The following LIPE variants were observed in gnomAD, a reference collection of about 807,000 sequenced individuals.
LIPE encodes lipase E, hormone sensitive type.
LIPE carries 66 observed loss-of-function variants against 88.5 expected under a neutral mutation model. The ratio of observed to expected loss-of-function variants is 0.75; its 90% CI spans 0.61 to 0.91. The LOEUF (loss-of-function observed/expected upper bound fraction) is 0.91, where lower values mean the gene tolerates loss of function less well. LIPE is among the 40% of genes least tolerant of loss of function. The pLI, the probability that LIPE is intolerant of heterozygous loss-of-function variation, is 0.00. For missense variants in LIPE, 1,346 were observed against 1,434.7 expected (o/e 0.94, Z 1.00); for synonymous variants, 570 against 617.5 (o/e 0.92, Z 1.14).
rs1285166974 is a variant in LIPE at position 42,414,394 on chromosome 19, G to A, written c.884-3552C>T. On this transcript the variant is annotated intron_variant, in intron 1 of 9. Transcript: ENST00000244289. This position sits in a 1 kb window ranked among gnomAD's most constrained non-coding sequence, Gnocchi z 4.6. ...CTGGATGAGTCTGTTTTCCTCATCT[G>A]GAAACTGCACTTGGCTGTTCTGCTG... Among the ~76,000 whole-genome samples, 1 of 152,254 alleles carries A rather than the reference G, an allele frequency of 6.6e-6. No individual in the cohort carries two copies. Among genetic ancestry groups the A allele is most frequent in the Non-Finnish European group, 1.5e-5 (1 of 68,044 alleles).
At position 42,410,588 on chromosome 19, in the gene LIPE, C is replaced by T; in HGVS notation, c.1138G>A (p.Ala380Thr). 1 of 1,613,282 alleles carries T rather than the reference C, an allele frequency of 6.2e-7. No individual in the cohort carries two copies. Reference sequence around the variant, plus strand: ...AGGAGGTGCGCCAGGCAGCAGCGGGCTGTGTGCACTAGGCTGCGGTACCCG... The same window carrying T: ...AGGAGGTGCGCCAGGCAGCAGCGGGTTGTGTGCACTAGGCTGCGGTACCCG... ...ANGYRSLVHT[A>T]RCCLAHLLHK... Residue 380 changes from alanine to threonine, a missense_variant, in exon 2 of 10, where the codon GCC (alanine) becomes ACC (threonine). Physicochemically the swap from Ala to Thr is moderately conservative, Grantham distance 58. Coordinates refer to ENST00000244289, the MANE Select transcript of LIPE (RefSeq NM_005357.4). This position sits in a 1 kb window ranked among gnomAD's most constrained non-coding sequence, Gnocchi z 6.1.
At chr19:42,423,474 G>A in intron 1 of LIPE, 1 of 1,288,594 alleles carries the variant, frequency 7.8e-7, no homozygotes. Context: ...AGCCCTCTTT[G>A]GCATTCTTCG....
chr19:42,422,007 T>C (rs1156778302), intron 1 of LIPE, among the ~76,000 whole-genome samples: 1 of 152,284 alleles, frequency 6.6e-6, no homozygotes, highest in African/African-American at 2.4e-5. Context: ...GTGATTATTA[T>C]GATCTCTGTT....
chr19:42,404,263 A>C (rs1600105912), intron 8 of LIPE, among the ~76,000 whole-genome samples: 4 of 132,520 alleles, frequency 3.0e-5, no homozygotes, highest in Non-Finnish European at 3.2e-5. Context: ...AGACAGTCTC[A>C]CTCTGTTACC....
chr19:42,401,991 C>G lies in LIPE; in HGVS notation c.3052G>C (p.Val1018Leu), dbSNP rs565024075. The G allele has an allele frequency of 2.6e-6, 4 of 1,554,584 alleles. No individual in the cohort carries two copies. In the East Asian group the frequency reaches 9.7e-5, roughly 38 times the overall value. The change falls in exon 10 of 10, where the codon GTG becomes CTG. Residue 1018 changes from valine to leucine, a missense_variant. Transcript: ENST00000244289. ...AAGCCGTGCGGCAGGTCCTCCACCA[C>G]GCGCAGCGTCACCGGCTGGCCCAGG... ...RNLGQPVTLR[V>L]VEDLPHGFLT...
In LIPE at chr19:42,414,249, G is replaced by A. The variant is rs1299303403; in HGVS notation, c.884-3407C>T. Among the ~76,000 whole-genome samples, 2 of 152,004 alleles carry A rather than the reference G, an allele frequency of 1.3e-5. No individual in the cohort carries two copies. Among genetic ancestry groups the A allele is most frequent in the African/African-American group, 4.8e-5 (2 of 41,362 alleles). On this transcript the variant is annotated intron_variant, in intron 1 of 9. Coordinates refer to ENST00000244289, the MANE Select transcript of LIPE (RefSeq NM_005357.4). This position sits in a 1 kb window ranked among gnomAD's most constrained non-coding sequence, Gnocchi z 4.6. ...AGATCACGCCACTGTACTCCAGCCT[G>A]GCGATAAAGCGAGACTCTGTCAGAA...
In LIPE at chr19:42,426,799, A is replaced by G. The variant is rs1266280778; in HGVS notation, c.351T>C (p.Pro117=). ...TQQEAASQQG[P]GLGKESITQQ... Reference sequence around the variant, plus strand: ...GAGTTATAGATTCTTTTCCTAGCCCAGGTCCCTGCTGGGAGGCAGCTTCCT... The same window carrying G: ...GAGTTATAGATTCTTTTCCTAGCCCGGGTCCCTGCTGGGAGGCAGCTTCCT... Residue 117 remains proline, a synonymous_variant, in exon 1 of 10, where the codon CCT becomes CCC. Coordinates refer to ENST00000244289, the MANE Select transcript of LIPE (RefSeq NM_005357.4). 3.1e-6 allele frequency: 5 copies of G among 1,614,010 alleles called. No individual in the cohort carries two copies. The highest frequency in any genetic ancestry group is 1.1e-5 in the South Asian group (1 of 91,076).
At chr19:42,426,047 C>A (rs770163370) in intron 1 of LIPE, among the ~76,000 whole-genome samples, 89 of 150,380 alleles carry the variant, frequency 5.9e-4, no homozygotes, top group Non-Finnish European at 1.1e-3. Flanking sequence ...AGCAATCCAT[C>A]TGCCTCGGCC....
In LIPE at chr19:42,426,842, C is replaced by G. The variant is rs777134809; in HGVS notation, c.308G>C (p.Arg103Thr). The change falls in exon 1 of 10, where the codon AGG (arginine) becomes ACG (threonine). Residue 103 changes from arginine (R) to threonine (T), a missense_variant. Transcript: ENST00000244289. ...PAPQQSPYIQRVLLTQQEAAS... is the reference protein window; with the variant it reads ...PAPQQSPYIQTVLLTQQEAAS... ...AGCTTCCTGTTGAGTGAGCAGCACC[C>G]TTTGGATGTAAGGTGATTGCTGTGG... 3.1e-6 allele frequency: 5 copies of G among 1,614,040 alleles called. No individual in the cohort carries two copies. The highest frequency in any genetic ancestry group is 3.3e-5 in the Admixed American group (2 of 59,996).
At chr19:42,423,526 G>C (rs868174350) in intron 1 of LIPE, 14 of 1,261,118 alleles carry the variant, frequency 1.1e-5, no homozygotes, top group Non-Finnish European at 1.4e-5. Flanking sequence ...CGTTCCCCCG[G>C]CCAACTCCAT....
chr19:42,403,164 G>A, intron 8 of LIPE, 133 bp from the exon 9 acceptor site: 2 of 905,866 alleles, frequency 2.2e-6, no homozygotes, highest in Non-Finnish European at 3.2e-6. Context: ...TCTTGCCTAG[G>A]GGATGGGTGG....
chr19:42,424,254 G>A (rs1398542563), intron 1 of LIPE: 1 of 563,474 alleles, frequency 1.8e-6, no homozygotes. Context: ...CTAGCTTCAG[G>A]CCGCGGGCCG....
rs756263409 is a variant in LIPE at position 42,408,238 on chromosome 19, C to G, written c.1504G>C (p.Gly502Arg). The G allele has an allele frequency of 6.2e-7, 1 of 1,614,042 alleles. No individual in the cohort carries two copies. Among genetic ancestry groups the G allele is most frequent in the Non-Finnish European group, 8.5e-7 (1 of 1,179,958 alleles). Residue 502 changes from glycine (G) to arginine (R), a missense_variant, in exon 3 of 10, where the codon GGC becomes CGC. Physicochemically the swap from Gly to Arg is moderately radical, Grantham distance 125. Coordinates refer to ENST00000244289, the MANE Select transcript of LIPE (RefSeq NM_005357.4). This position sits in a 1 kb window ranked among gnomAD's most constrained non-coding sequence, Gnocchi z 4.3. Reference sequence around the variant, plus strand: ...GAACCTGGCTGGGACTCACTGAGGCCTGTCTCGTTGCGTTTGTAGTGCTCC... The same window carrying G: ...GAACCTGGCTGGGACTCACTGAGGCGTGTCTCGTTGCGTTTGTAGTGCTCC... ...FGEHYKRNETGLSVAASSLFT... is the reference protein window; with the variant it reads ...FGEHYKRNETRLSVAASSLFT...
In LIPE at chr19:42,408,565, GA is replaced by G. The variant is rs113177392; in HGVS notation, c.1420-244del. 17,520 of 375,262 alleles carry G rather than the reference GA, an allele frequency of 0.047. No individual in the cohort carries two copies. The highest frequency in any genetic ancestry group is 0.074 in the South Asian group (2,231 of 29,962). The allele number at this position is 375,262 out of a possible 1,614,324, so 23.2% of individuals were successfully genotyped here. A position where few individuals can be genotyped will look rare whatever the true frequency, so the allele number is the denominator to read the frequency against. On this transcript the variant is annotated intron_variant, in intron 2 of 9. Transcript: ENST00000244289. The surrounding 1 kb of genome is among the most constrained non-coding windows in gnomAD (Gnocchi z 4.3). ...ATGACAAGGAATGACGAATGGTTTG[GA>G]AAAAAAAAAAGGCAGTAGGTGGAGA...
chr19:42,401,662 C>T lies in LIPE; in HGVS notation c.*150G>A, dbSNP rs1019725351. The T allele has an allele frequency of 3.2e-5, 19 of 591,278 alleles. No homozygotes were observed. Among genetic ancestry groups the T allele is most frequent in the Non-Finnish European group, 4.7e-5 (17 of 359,532 alleles). The allele number at this position is 591,278 out of a possible 1,614,324, so 36.6% of individuals were successfully genotyped here. ...CTCGGTGACCGGTGTGTGTGCGCGTCCCCCTCCCCGTGGCGAGGGTCTCAG... is the reference window on the plus strand; with the variant it reads ...CTCGGTGACCGGTGTGTGTGCGCGTTCCCCTCCCCGTGGCGAGGGTCTCAG... On this transcript the variant is annotated 3_prime_UTR_variant, in exon 10 of 10. Transcript: ENST00000244289.
chr19:42,419,081 C>G (rs2040545425), intron 1 of LIPE, among the ~76,000 whole-genome samples: 1 of 152,048 alleles, frequency 6.6e-6, no homozygotes, highest in Non-Finnish European at 1.5e-5. Context: ...GAGTTCGAGA[C>G]CAGCCTGGCC....
Position 42,407,305 on chromosome 19 carries a change from C to G in LIPE, c.2006G>C (p.Ser669Thr). The G allele has an allele frequency of 6.2e-7, 1 of 1,611,214 alleles. No homozygotes were observed. Among genetic ancestry groups the G allele is most frequent in the Non-Finnish European group, 8.5e-7 (1 of 1,178,956 alleles). ...TSRSHEPYLKSWAQELGAPII... is the reference protein window; with the variant it reads ...TSRSHEPYLKTWAQELGAPII... ...GGGGGCGCCCAGCTCCTGGGCCCAG[C>G]TCTTGAGGTAGGGCTCGTGGGATCT... The change falls in exon 6 of 10, where the codon AGC becomes ACC. Residue 669 changes from serine (S) to threonine (T), a missense_variant. Ser to Thr is a moderately conservative substitution (Grantham distance 58). Transcript: ENST00000244289. This position sits in a 1 kb window ranked among gnomAD's most constrained non-coding sequence, Gnocchi z 5.8.
intron 1 of LIPE, among the ~76,000 whole-genome samples, chr19:42,418,385 T>C (rs58405647): frequency 0.048 from 7,243 of 152,292 alleles, 546 homozygotes; most frequent in African/African-American, 0.16. Context: ...AAAAGTTCAT[T>C]GTTACCTTAT....
chr19:42,422,041 A>G (rs2040608070), intron 1 of LIPE, among the ~76,000 whole-genome samples: 1 of 152,214 alleles, frequency 6.6e-6, no homozygotes, highest in Non-Finnish European at 1.5e-5. Flanking sequence ...TCCTTCACTT[A>G]TTAATCCAAT....
Sources: allele counts gnomAD v4.1 joint callset (sites outside exome capture counted in the v4.1 genomes callset), GRCh38; gene constraint gnomAD v4.1.1; non-coding constraint Gnocchi (gnomAD v3.1); transcripts MANE v1.5; gene names NCBI Gene and HGNC (gene_info 2026-07-23, HGNC 2026-07-21).